PAWR: variants seen among roughly 807,000 people sequenced by gnomAD.
PAWR encodes the protein PRKC apoptosis WT1 regulator protein.
PAWR carries 23 observed loss-of-function variants against 32.0 expected under a neutral mutation model. That is an observed-to-expected ratio of 0.72 (90% CI 0.52 to 1.02). The LOEUF (loss-of-function observed/expected upper bound fraction) is 1.02. Ranked by LOEUF, PAWR falls within the 50% of genes least tolerant of loss-of-function variation. The pLI is 0.00. For synonymous variants in PAWR, 226 were observed against 187.1 expected, an observed-to-expected ratio of 1.21 and a Z score of -1.70; for missense variants, 457 against 437.7, an observed-to-expected ratio of 1.04 and a Z score of -0.39.
intron 2 of PAWR, among the ~76,000 whole-genome samples, chr12:79,652,804 C>A (rs1876910773): frequency 6.6e-6 from 1 of 152,106 alleles, no homozygotes; most frequent in African/African-American, 2.4e-5. Flanking sequence ...ACAAAGAGTT[C>A]TTTTCTGAAT....
chr12:79,633,828 T>G (rs1006276837), intron 2 of PAWR, among the ~76,000 whole-genome samples: 14 of 152,142 alleles, frequency 9.2e-5, no homozygotes, highest in African/African-American at 3.4e-4. Context: ...CTTTTTCAAG[T>G]GAGATAATGA....
intron 2 of PAWR, among the ~76,000 whole-genome samples, chr12:79,678,329 C>T (rs981017072): frequency 6.6e-6 from 1 of 152,216 alleles, no homozygotes; most frequent in Non-Finnish European, 1.5e-5. Context: ...AATTCTTTGG[C>T]ATGGCATTAA....
At chr12:79,626,118 C>A (rs1306791726) in intron 2 of PAWR, among the ~76,000 whole-genome samples, 1 of 127,368 alleles carries the variant, frequency 7.9e-6, no homozygotes, top group Non-Finnish European at 1.6e-5. Context: ...GAGCCAAGAT[C>A]GTGCCACTGC....
intron 3 of PAWR, among the ~76,000 whole-genome samples, chr12:79,617,600 T>A (rs1183488816): frequency 1.3e-5 from 2 of 152,152 alleles, no homozygotes; most frequent in African/African-American, 4.8e-5. Flanking sequence ...CCCTTATAAT[T>A]TTTTTAGCTT....
intron 4 of PAWR, among the ~76,000 whole-genome samples, chr12:79,611,486 C>A (rs1874439727): frequency 1.3e-5 from 2 of 151,776 alleles, no homozygotes; most frequent in South Asian, 4.1e-4. Flanking sequence ...CATCTATTCT[C>A]TAGTCATTGC....
intron 2 of PAWR, among the ~76,000 whole-genome samples, chr12:79,669,221 T>A (rs1047506585): frequency 4.6e-5 from 7 of 152,144 alleles, no homozygotes; most frequent in African/African-American, 1.7e-4. Flanking sequence ...ACCAACAATA[T>A]TAAATTGAGG....
chr12:79,656,311 T>C (rs906912919), intron 2 of PAWR, among the ~76,000 whole-genome samples: 1 of 152,248 alleles, frequency 6.6e-6, no homozygotes, highest in Non-Finnish European at 1.5e-5. Context: ...GGATCTACTA[T>C]AGTGATTCAA....
At position 79,592,613 on chromosome 12, in the gene PAWR, G is replaced by C; in HGVS notation, c.1017C>G (p.Thr339=). 1 of 761,262 alleles carries C rather than the reference G, an allele frequency of 1.3e-6. No individual in the cohort carries two copies. The highest frequency in any genetic ancestry group is 1.9e-5 in the Admixed American group (1 of 52,948). 47.2% of individuals were successfully genotyped at this position (761,262 alleles called of 1,614,324 possible). Reference sequence around the variant, plus strand: ...ACATTGAGTCTTGAATCCTCTACCTGGTCAGCTGACCCACAACTTTCAAAA... The same window carrying C: ...ACATTGAGTCTTGAATCCTCTACCTCGTCAGCTGACCCACAACTTTCAAAA... ...KTLLKVVGQL[T]R Residue 339 remains threonine (T), a synonymous_variant, in exon 7 of 7, where the codon ACC becomes ACG. Coordinates refer to ENST00000328827, the MANE Select transcript of PAWR (RefSeq NM_002583.4).
intron 2 of PAWR, among the ~76,000 whole-genome samples, chr12:79,651,737 C>T (rs1021885592): frequency 2.0e-5 from 3 of 151,842 alleles, no homozygotes; most frequent in Non-Finnish European, 4.4e-5. Flanking sequence ...GTGGGAATTT[C>T]GATGCTTAAA....
intron 2 of PAWR, among the ~76,000 whole-genome samples, chr12:79,681,150 A>T (rs1308187353): frequency 2.6e-3 from 5 of 1,950 alleles, no homozygotes; most frequent in African/African-American, 8.0e-3. Flanking sequence ...AGGGGTGGGG[A>T]GGGGAGGGGA....
At chr12:79,617,674 A>C (rs909312526) in intron 3 of PAWR, among the ~76,000 whole-genome samples, 1 of 152,240 alleles carries the variant, frequency 6.6e-6, no homozygotes, top group African/African-American at 2.4e-5. Flanking sequence ...TTTTTATTTC[A>C]ATACATGTAT....
chr12:79,589,633 A>G lies in PAWR; in HGVS notation c.*2974T>C, dbSNP rs1428246722. On this transcript the variant is annotated 3_prime_UTR_variant, in exon 7 of 7. Transcript: ENST00000328827. ...GCCCTTCCCTCCTTCTCTAATGGTA[A>G]CTGTTGTATAATAAAATTGTCAACA... The G allele has an allele frequency of 6.6e-6, 1 of 152,168 alleles. No homozygotes were observed. The highest frequency in any genetic ancestry group is 1.9e-4 in the East Asian group (1 of 5,198). 9.4% of individuals were successfully genotyped at this position (152,168 alleles called of 1,614,324 possible).
rs1277136408 is a variant in PAWR, at chr12:79,586,364, GA to G, written c.*6242del. The G allele has an allele frequency of 2.6e-5, 4 of 152,540 alleles. No homozygotes were observed. The allele number at this position is 152,540 out of a possible 1,614,324, so 9.4% of individuals were successfully genotyped here. On this transcript the variant is annotated 3_prime_UTR_variant, in exon 7 of 7. Transcript: ENST00000328827. ...GCTTTAGGCTTTTGCACTACACAAA[GA>G]AAAAGACACCTTTCTATTCATTTCT...
intron 3 of PAWR, among the ~76,000 whole-genome samples, chr12:79,620,261 A>T (rs1248111652): frequency 6.6e-6 from 1 of 152,236 alleles, no homozygotes; most frequent in East Asian, 1.9e-4. Flanking sequence ...ATTAACAAAT[A>T]TTTTAAAAGG....
intron 5 of PAWR, 149 bp from the exon 6 acceptor site, chr12:79,594,582 A>G: frequency 1.7e-6 from 1 of 572,792 alleles, no homozygotes; most frequent in Admixed American, 3.7e-5. Flanking sequence ...GAAGGAACAA[A>G]GATCCCACCA....
intron 2 of PAWR, chr12:79,632,312 CATATATATATATATATATAT>C (rs71091677): frequency 2.6e-4 from 3 of 11,600 alleles, no homozygotes; most frequent in Non-Finnish European, 3.7e-4. Flanking sequence ...TATATACATA[CATATATATATATATATATAT>C]ATATATATAT....
intron 2 of PAWR, among the ~76,000 whole-genome samples, chr12:79,635,966 T>G (rs1482507813): frequency 6.6e-6 from 1 of 152,126 alleles, no homozygotes; most frequent in East Asian, 1.9e-4. Context: ...AAAGACATTG[T>G]GGCTAAACAG....
Position 79,660,876 on chromosome 12 carries a change from G to A in PAWR, c.516+28853C>T, listed in dbSNP as rs536406842. Among the ~76,000 whole-genome samples the A allele has an allele frequency of 7.3e-5, 11 of 151,644 alleles. No individual in the cohort carries two copies. The South Asian group carries it at 8.4e-4, about 12-fold the overall frequency. Reference sequence around the variant, plus strand: ...TGGGATTACAGGCGAGAGCCATTGCGGCCAGCCACTGTATTTTTTTTTAAA... The same window carrying A: ...TGGGATTACAGGCGAGAGCCATTGCAGCCAGCCACTGTATTTTTTTTTAAA... On this transcript the variant is annotated intron_variant, in intron 2 of 6. Transcript: ENST00000328827.
At chr12:79,671,606 T>C (rs1414406059) in intron 2 of PAWR, among the ~76,000 whole-genome samples, 1 of 152,254 alleles carries the variant, frequency 6.6e-6, no homozygotes, top group Non-Finnish European at 1.5e-5. Context: ...TTGATGTGTT[T>C]ACCATGTTAA....
Sources: gnomAD v4.1 joint callset for allele counts (sites outside exome capture counted in the v4.1 genomes callset) on GRCh38, gnomAD v4.1.1 for gene constraint, MANE v1.5 for transcripts, NCBI Gene and HGNC (gene_info 2026-07-23, HGNC 2026-07-21) for gene names.